Variants in NLGN1 observed in about 807,000 individuals in gnomAD.
The protein encoded by NLGN1 is neuroligin 1.
Under a neutral mutation model 65.5 loss-of-function variants are expected in NLGN1, and 12 were observed. The ratio of observed to expected loss-of-function variants is 0.18; its 90% CI spans 0.12 to 0.30. The LOEUF is 0.30. NLGN1 is among the 10% of genes least tolerant of loss of function. The pLI, the probability that NLGN1 is intolerant of heterozygous loss-of-function variation, is 1.00. For missense variants in NLGN1, 750 were observed against 1,007.1 expected (o/e 0.74, Z 3.46); for synonymous variants, 350 against 359.5 (o/e 0.97, Z 0.30).
intron 4 of NLGN1, among the ~76,000 whole-genome samples, chr3:173,990,128 C>T (rs1489496275): frequency 6.6e-6 from 1 of 152,156 alleles, no homozygotes; most frequent in African/African-American, 2.4e-5. Context: ...TATTATCACA[C>T]CATACTCTGT....
At chr3:174,011,592 A>G (rs1725556245) in intron 4 of NLGN1, among the ~76,000 whole-genome samples, 1 of 152,120 alleles carries the variant, frequency 6.6e-6, no homozygotes, top group Non-Finnish European at 1.5e-5. Context: ...GTGTAATTGC[A>G]TTGAAGAAAC....
intron 4 of NLGN1, among the ~76,000 whole-genome samples, chr3:174,052,849 A>C (rs1421824483): frequency 6.6e-6 from 1 of 152,026 alleles, no homozygotes; most frequent in African/African-American, 2.4e-5. Flanking sequence ...AATTTGGCTT[A>C]ATCAGTGGAT....
chr3:173,534,192 TA>T (rs769648835), intron 2 of NLGN1, among the ~76,000 whole-genome samples: 8 of 152,194 alleles, frequency 5.3e-5, no homozygotes, highest in Non-Finnish European at 1.0e-4. Context: ...TTAAAAGAAC[TA>T]TAATGTAATT....
intron 3 of NLGN1, among the ~76,000 whole-genome samples, chr3:173,774,739 A>G (rs761518388): frequency 2.6e-5 from 4 of 152,040 alleles, no homozygotes; most frequent in Non-Finnish European, 5.9e-5. Flanking sequence ...TTCTGAGTAC[A>G]TTGGTACTCT....
chr3:173,876,504 A>G (rs1732132313), intron 4 of NLGN1, among the ~76,000 whole-genome samples: 1 of 152,158 alleles, frequency 6.6e-6, no homozygotes, highest in African/African-American at 2.4e-5. Context: ...TTAAAGGGAA[A>G]TTGTTGGTTT....
chr3:173,765,906 CCCTA>C (rs1211261630), intron 3 of NLGN1, among the ~76,000 whole-genome samples: 1 of 152,178 alleles, frequency 6.6e-6, no homozygotes, highest in East Asian at 1.9e-4. Flanking sequence ...TTCCCTCATT[CCCTA>C]CCATCTCCTC....
At chr3:173,463,157 G>A (rs1003913325) in intron 2 of NLGN1, among the ~76,000 whole-genome samples, 2 of 152,272 alleles carry the variant, frequency 1.3e-5, no homozygotes, top group East Asian at 3.9e-4. Context: ...TAGGATGTAT[G>A]CAAGTGGTCT....
rs115290046 is a variant in NLGN1, at chr3:173,700,288, A to C, written c.493+95197A>C. Among the ~76,000 whole-genome samples the C allele has an allele frequency of 7.0e-3, 1,062 of 152,320 alleles. 10 individuals are homozygous for C. Among genetic ancestry groups the C allele is most frequent in the African/African-American group, 0.025 (1,027 of 41,580 alleles). ...CTGTTTCTTGGAAAAATATAAGATA[A>C]TTTTGAAAGCAATCAAAAGAGCCAG... On this transcript the variant is annotated intron_variant, in intron 3 of 6. Coordinates refer to ENST00000457714, the Ensembl canonical transcript of NLGN1.
intron 4 of NLGN1, among the ~76,000 whole-genome samples, chr3:173,865,688 A>C (rs1025337104): frequency 1.3e-5 from 2 of 152,186 alleles, no homozygotes; most frequent in Non-Finnish European, 2.9e-5. Flanking sequence ...AAACTTAATC[A>C]TAGAGCTTTG....
intron 3 of NLGN1, among the ~76,000 whole-genome samples, chr3:173,632,677 A>G (rs969757416): frequency 6.6e-6 from 1 of 152,070 alleles, no homozygotes; most frequent in Non-Finnish European, 1.5e-5. Flanking sequence ...TGAAAATCTC[A>G]AAGGGACAGG....
chr3:173,539,558 AATAT>A (rs1023237439), intron 2 of NLGN1, among the ~76,000 whole-genome samples: 6 of 143,332 alleles, frequency 4.2e-5, no homozygotes, highest in Non-Finnish European at 6.0e-5. Flanking sequence ...ATATATACAT[AATAT>A]ATATAACATA....
chr3:173,825,736 T>G (rs1316459051), intron 4 of NLGN1, among the ~76,000 whole-genome samples: 1 of 152,118 alleles, frequency 6.6e-6, no homozygotes. Context: ...ATATTCATCA[T>G]TTTGATCTTT....
chr3:173,652,746 A>T (rs779850175), intron 3 of NLGN1, among the ~76,000 whole-genome samples: 1 of 152,138 alleles, frequency 6.6e-6, no homozygotes, highest in Non-Finnish European at 1.5e-5. Context: ...TTGGTTCCGT[A>T]TACATTTTAG....
At chr3:174,268,995 A>T (rs1219992990) in intron 4 of NLGN1, among the ~76,000 whole-genome samples, 5 of 151,856 alleles carry the variant, frequency 3.3e-5, no homozygotes, top group Non-Finnish European at 7.4e-5. Flanking sequence ...CATAAAAAGG[A>T]AAATATTTTT....
At chr3:173,658,026 C>G (rs1760338538) in intron 3 of NLGN1, among the ~76,000 whole-genome samples, 1 of 151,614 alleles carries the variant, frequency 6.6e-6, no homozygotes, top group Admixed American at 6.6e-5. Context: ...TTTTAGGAAC[C>G]CTATCAATAA....
chr3:173,850,747 T>C (rs1231162807), intron 4 of NLGN1, among the ~76,000 whole-genome samples: 7 of 152,156 alleles, frequency 4.6e-5, no homozygotes, highest in Non-Finnish European at 1.0e-4. Context: ...TTGTTGTTTT[T>C]GTTTTTTGAG....
intron 4 of NLGN1, among the ~76,000 whole-genome samples, chr3:173,952,657 G>T (rs1438727657): frequency 2.0e-5 from 3 of 152,082 alleles, no homozygotes; most frequent in Non-Finnish European, 4.4e-5. Flanking sequence ...ACAACAGCAT[G>T]AACTTAATTA....
At chr3:174,143,632 TG>T (rs937495348) in intron 4 of NLGN1, among the ~76,000 whole-genome samples, 3 of 152,052 alleles carry the variant, frequency 2.0e-5, no homozygotes, top group East Asian at 1.9e-4. Flanking sequence ...GGAGATTTGG[TG>T]GGGGGGTATA....
chr3:173,949,618 C>A (rs1278502744), intron 4 of NLGN1, among the ~76,000 whole-genome samples: 1 of 152,008 alleles, frequency 6.6e-6, no homozygotes, highest in Non-Finnish European at 1.5e-5. Context: ...TAAAACCAAG[C>A]CTTAAAAAAT....
Sources: allele counts gnomAD v4.1 joint callset (sites outside exome capture counted in the v4.1 genomes callset), GRCh38; gene constraint gnomAD v4.1.1; transcripts MANE v1.5; gene names NCBI Gene and HGNC (gene_info 2026-07-23, HGNC 2026-07-21).